NXPE2: variants seen among roughly 807,000 people sequenced by gnomAD.
NXPE2 encodes neurexophilin and PC-esterase domain family member 2, also known as NXPE family member 2.
In NXPE2, 34 loss-of-function variants were observed where a neutral mutation model predicts 34.4. The ratio of observed to expected loss-of-function variants is 0.99; its 90% CI spans 0.75 to 1.31. The LOEUF is 1.31. Among genes scored for constraint, NXPE2 ranks in the 40% most tolerant of loss-of-function variants. The probability of loss-of-function intolerance (pLI) is 0.00; values close to 1 mark genes in which losing one functional copy is unlikely to be tolerated. For synonymous variants in NXPE2, 235 were observed against 231.3 expected, an observed-to-expected ratio of 1.02 and a Z score of -0.15; for missense variants, 649 against 672.5, an observed-to-expected ratio of 0.97 and a Z score of 0.39.
the NXPE2 span, among the ~76,000 whole-genome samples, chr11:114,554,676 T>C: frequency 1.3e-5 from 2 of 152,238 alleles, no homozygotes; most frequent in Non-Finnish European, 2.9e-5. Flanking sequence ...TTCAAGATTC[T>C]TTATTAACAG....
the NXPE2 span, among the ~76,000 whole-genome samples, chr11:114,493,140 AC>A: frequency 6.6e-6 from 1 of 152,068 alleles, no homozygotes; most frequent in African/African-American, 2.4e-5. Context: ...ATACTTAAAA[AC>A]TTTTTTGGTT....
chr11:114,726,868 T>C, the NXPE2 span, among the ~76,000 whole-genome samples: 5 of 152,102 alleles, frequency 3.3e-5, no homozygotes, highest in African/African-American at 1.2e-4. Flanking sequence ...TCCAATAACA[T>C]GTTCCTCATT....
At chr11:114,636,098 A>ATT in the NXPE2 span, among the ~76,000 whole-genome samples, 37 of 4,820 alleles carry the variant, frequency 7.7e-3, no homozygotes, top group African/African-American at 0.059. Flanking sequence ...CTGGTCCTGG[A>ATT]CTCTTTCGTT....
the NXPE2 span, among the ~76,000 whole-genome samples, chr11:114,623,242 G>C: frequency 6.6e-6 from 1 of 151,990 alleles, no homozygotes; most frequent in Non-Finnish European, 1.5e-5. Context: ...CATAACCACT[G>C]TTTCCCGGTG....
the NXPE2 span, among the ~76,000 whole-genome samples, chr11:114,759,519 T>G: frequency 1.6e-4 from 25 of 152,242 alleles, no homozygotes; most frequent in African/African-American, 5.8e-4. Flanking sequence ...GTGTTAGCTA[T>G]TATTATTCTC....
At chr11:114,686,841 G>A (rs189919375) in intron 2 of NXPE2, among the ~76,000 whole-genome samples, 27 of 152,184 alleles carry the variant, frequency 1.8e-4, no homozygotes, top group African/African-American at 5.8e-4. Flanking sequence ...CCTCACTGGA[G>A]TTTTGATTTG....
the NXPE2 span, among the ~76,000 whole-genome samples, chr11:114,639,117 C>G: frequency 6.6e-6 from 1 of 152,078 alleles, no homozygotes; most frequent in Non-Finnish European, 1.5e-5. Flanking sequence ...TGGTGGGCTC[C>G]ACCCAGTTCG....
the NXPE2 span, among the ~76,000 whole-genome samples, chr11:114,479,338 TGTA>T: frequency 6.6e-6 from 1 of 152,200 alleles, no homozygotes; most frequent in Admixed American, 6.5e-5. Context: ...AGGGAGCTAC[TGTA>T]GTAGTTAGGC....
chr11:114,580,527 T>C, the NXPE2 span, among the ~76,000 whole-genome samples: 1 of 152,174 alleles, frequency 6.6e-6, no homozygotes, highest in Non-Finnish European at 1.5e-5. Context: ...CTGATGTGAA[T>C]TTCCTAAATA....
the NXPE2 span, among the ~76,000 whole-genome samples, chr11:114,558,384 G>C: frequency 1.1e-3 from 161 of 152,162 alleles, no homozygotes; most frequent in African/African-American, 3.6e-3. Context: ...TATTGGGTAC[G>C]TTTGCCTTGT....
the NXPE2 span, among the ~76,000 whole-genome samples, chr11:114,763,592 T>G: frequency 6.6e-6 from 1 of 152,194 alleles, no homozygotes; most frequent in East Asian, 1.9e-4. Context: ...AGATTCTAGG[T>G]GTCTCAAGCA....
the NXPE2 span, among the ~76,000 whole-genome samples, chr11:114,648,956 T>A: frequency 3.5e-4 from 50 of 141,312 alleles, no homozygotes; most frequent in Admixed American, 1.1e-3. Context: ...AACAAAAAAA[T>A]ATTTGCTTTT....
At chr11:114,661,161 G>A in the NXPE2 span, among the ~76,000 whole-genome samples, 2 of 152,048 alleles carry the variant, frequency 1.3e-5, no homozygotes, top group Non-Finnish European at 2.9e-5. Flanking sequence ...AATATGATTA[G>A]GATATTAGTT....
At chr11:114,503,097 T>C in the NXPE2 span, among the ~76,000 whole-genome samples, 3 of 151,958 alleles carry the variant, frequency 2.0e-5, no homozygotes, top group Non-Finnish European at 2.9e-5. Flanking sequence ...TTTTTTTTTT[T>C]CATAAGAAAT....
chr11:114,622,818 C>T, the NXPE2 span, among the ~76,000 whole-genome samples: 1 of 152,000 alleles, frequency 6.6e-6, no homozygotes, highest in African/African-American at 2.4e-5. Context: ...CATGGGTTAC[C>T]ACTCTTACCC....
chr11:114,792,696 T>C, the NXPE2 span, among the ~76,000 whole-genome samples: 25 of 152,206 alleles, frequency 1.6e-4, 1 homozygote, highest in Admixed American at 1.3e-3. Flanking sequence ...TGGGAGAGGC[T>C]TCAAAAACAT....
the NXPE2 span, among the ~76,000 whole-genome samples, chr11:114,781,348 T>C: frequency 6.6e-6 from 1 of 152,174 alleles, no homozygotes; most frequent in Non-Finnish European, 1.5e-5. Context: ...AGCACCATCC[T>C]CATCCCTGGC....
the NXPE2 span, among the ~76,000 whole-genome samples, chr11:114,537,501 G>T: frequency 6.6e-6 from 1 of 152,212 alleles, no homozygotes; most frequent in Non-Finnish European, 1.5e-5. Flanking sequence ...GTCCCTGTTT[G>T]CAGATGACAT....
At chr11:114,566,247 CACCCCAAA>C in the NXPE2 span, among the ~76,000 whole-genome samples, 2 of 151,536 alleles carry the variant, frequency 1.3e-5, no homozygotes, top group African/African-American at 4.9e-5. Flanking sequence ...GAGTGGGTAT[CACCCCAAA>C]TTAGCATATA....
Sources: gnomAD v4.1 joint callset for allele counts (sites outside exome capture counted in the v4.1 genomes callset) on GRCh38, gnomAD v4.1.1 for gene constraint, MANE v1.5 for transcripts, NCBI Gene and HGNC (gene_info 2026-07-23, HGNC 2026-07-21) for gene names.